POU6F2: variants seen among roughly 807,000 people sequenced by gnomAD.
The protein encoded by POU6F2 is POU domain, class 6, transcription factor 2.
Under a neutral mutation model 71.3 loss-of-function variants are expected in POU6F2, and 31 were observed. The ratio of observed to expected loss-of-function variants is 0.43; its 90% CI spans 0.33 to 0.59. The LOEUF is 0.59. POU6F2 is among the 20% of genes least tolerant of loss of function. The pLI is 0.04. For missense variants in POU6F2, 783 were observed against 856.8 expected (o/e 0.91, Z 1.07); for synonymous variants, 347 against 355.7 (o/e 0.98, Z 0.27).
intron 4 of POU6F2, among the ~76,000 whole-genome samples, chr7:39,339,291 C>T (rs1004950623): frequency 1.3e-5 from 2 of 152,140 alleles, no homozygotes; most frequent in African/African-American, 4.8e-5. Context: ...TAAATGAAAT[C>T]TTGAAGCATG....
chr7:39,267,061 T>C (rs1338846773), intron 4 of POU6F2, among the ~76,000 whole-genome samples: 1 of 152,208 alleles, frequency 6.6e-6, no homozygotes, highest in Non-Finnish European at 1.5e-5. Context: ...ATCACTAACA[T>C]GACCAAGAAT....
At chr7:39,416,086 G>A in intron 6 of POU6F2, among the ~76,000 whole-genome samples, 1 of 107,744 alleles carries the variant, frequency 9.3e-6, no homozygotes, top group Admixed American at 1.0e-4. Context: ...GATTTCTCTC[G>A]AAGGCATACA....
intron 1 of POU6F2, among the ~76,000 whole-genome samples, chr7:39,052,045 A>T (rs756348182): frequency 2.0e-5 from 3 of 152,136 alleles, no homozygotes; most frequent in Middle Eastern, 3.4e-3. Flanking sequence ...CTGACTGCTG[A>T]TTATTTGGGT....
At chr7:39,268,495 A>G (rs1408641464) in intron 4 of POU6F2, among the ~76,000 whole-genome samples, 1 of 152,154 alleles carries the variant, frequency 6.6e-6, no homozygotes, top group East Asian at 1.9e-4. Flanking sequence ...ACTGCTGTTA[A>G]GTTGCTCAAG....
At chr7:39,123,128 G>T (rs1792078304) in intron 2 of POU6F2, among the ~76,000 whole-genome samples, 1 of 152,210 alleles carries the variant, frequency 6.6e-6, no homozygotes, top group African/African-American at 2.4e-5. Context: ...TAGAGCTGAT[G>T]TGTGCAAATC....
intron 6 of POU6F2, among the ~76,000 whole-genome samples, 192 bp from the exon 7 acceptor site, chr7:39,432,885 C>T (rs563502563): frequency 2.6e-5 from 4 of 152,124 alleles, no homozygotes; most frequent in East Asian, 1.9e-4. Flanking sequence ...GAACTCAGTT[C>T]GTGTGTACTT....
intron 2 of POU6F2, among the ~76,000 whole-genome samples, chr7:39,155,589 A>G (rs545194391): frequency 3.9e-5 from 6 of 152,328 alleles, no homozygotes; most frequent in Admixed American, 3.9e-4. Flanking sequence ...AATCTACATC[A>G]AATGTATCCT....
At chr7:39,240,882 T>TA in intron 4 of POU6F2, among the ~76,000 whole-genome samples, 1 of 152,270 alleles carries the variant, frequency 6.6e-6, no homozygotes, top group South Asian at 2.1e-4. Context: ...ATCTCATATG[T>TA]TAAGAATTCA....
At chr7:39,291,946 C>CTT (rs80150010) in intron 4 of POU6F2, among the ~76,000 whole-genome samples, 2 of 143,086 alleles carry the variant, frequency 1.4e-5, no homozygotes, top group East Asian at 4.0e-4. Context: ...TTCCCTTTAC[C>CTT]TTTTTTTTTT....
intron 2 of POU6F2, among the ~76,000 whole-genome samples, chr7:39,112,472 C>A (rs900163484): frequency 4.2e-4 from 64 of 152,104 alleles, no homozygotes; most frequent in African/African-American, 1.5e-3. Flanking sequence ...CCCTGTTGTC[C>A]ATTCTTTTTT....
intron 2 of POU6F2, among the ~76,000 whole-genome samples, chr7:39,110,584 A>C (rs946730800): frequency 2.0e-5 from 3 of 152,164 alleles, no homozygotes; most frequent in Admixed American, 2.0e-4. Context: ...TTGATTGTCT[A>C]AACTTGAGAA....
intron 1 of POU6F2, among the ~76,000 whole-genome samples, chr7:39,000,237 C>A (rs894315779): frequency 2.6e-5 from 4 of 152,124 alleles, no homozygotes; most frequent in Non-Finnish European, 5.9e-5. Flanking sequence ...CTTGAGCCAG[C>A]AGATTTCTGT....
rs1350419710 is a variant in POU6F2 at position 39,084,557 on chromosome 7, T to A, written c.106-1303T>A. Among the ~76,000 whole-genome samples the A allele has an allele frequency of 2.0e-5, 3 of 152,180 alleles. No individual in the cohort carries two copies. In the East Asian group the frequency reaches 5.8e-4, roughly 29 times the overall value. ...CACAGAGTCCAATATTTAAGTGCTGTGTAAATTAAGCCCTGGTGACAGTGA... is the reference window on the plus strand; with the variant it reads ...CACAGAGTCCAATATTTAAGTGCTGAGTAAATTAAGCCCTGGTGACAGTGA... On this transcript the variant is annotated intron_variant, in intron 1 of 9. Transcript: ENST00000518318.
At chr7:38,998,369 T>C (rs2128698588) in intron 1 of POU6F2, among the ~76,000 whole-genome samples, 1 of 152,294 alleles carries the variant, frequency 6.6e-6, no homozygotes, top group East Asian at 1.9e-4. Context: ...TGAGTGAATT[T>C]TAACAAGTCA....
intron 7 of POU6F2, among the ~76,000 whole-genome samples, chr7:39,433,730 C>T (rs1349463263): frequency 6.6e-6 from 1 of 152,180 alleles, no homozygotes; most frequent in African/African-American, 2.4e-5. Flanking sequence ...GGAAGTTCTG[C>T]TTGGTTGAAT....
intron 1 of POU6F2, among the ~76,000 whole-genome samples, chr7:39,053,498 T>G (rs542508493): frequency 4.6e-5 from 7 of 152,154 alleles, no homozygotes; most frequent in African/African-American, 1.7e-4. Flanking sequence ...CACCACCAAC[T>G]TTTTTCCCCC....
chr7:39,435,056 C>T (rs1429897602), intron 7 of POU6F2, among the ~76,000 whole-genome samples: 1 of 152,102 alleles, frequency 6.6e-6, no homozygotes, highest in Non-Finnish European at 1.5e-5. Context: ...GGGTTGGTTC[C>T]ACGTCTTTGC....
rs1793586835 is a variant in POU6F2, at chr7:39,188,256, A to C, written c.278-15979A>C. 2.0e-5 allele frequency among the ~76,000 whole-genome samples: 3 copies of C among 152,236 alleles called. No individual in the cohort carries two copies. In the South Asian group the frequency reaches 6.2e-4, roughly 31 times the overall value. On this transcript the variant is annotated intron_variant, in intron 2 of 9. Transcript: ENST00000518318. The stretch of plus-strand genomic sequence containing the variant: ...TTATCAAAAATCACACAGGCAGTGC[A>C]TGTGAAGCAAAAAGGAAAGCACAAG...
At chr7:39,000,389 G>A (rs73369766) in intron 1 of POU6F2, among the ~76,000 whole-genome samples, 3,575 of 152,192 alleles carry the variant, frequency 0.023, 153 homozygotes, top group African/African-American at 0.082. Context: ...ACTGTCTAGT[G>A]AAGCAAATAC....
Sources: allele counts gnomAD v4.1 joint callset (sites outside exome capture counted in the v4.1 genomes callset), GRCh38; gene constraint gnomAD v4.1.1; transcripts MANE v1.5; gene names NCBI Gene and HGNC (gene_info 2026-07-23, HGNC 2026-07-21).